The following ROR2 variants were observed in gnomAD, a reference collection of about 807,000 sequenced individuals.
ROR2 encodes the protein ROR family WNT receptor 2.
Under a neutral mutation model 74.9 loss-of-function variants are expected in ROR2, and 33 were observed. The ratio of observed to expected loss-of-function variants is 0.44; its 90% confidence interval spans 0.33 to 0.59. The LOEUF is 0.59. ROR2 is among the 20% of genes least tolerant of loss of function. The probability of loss-of-function intolerance (pLI) is 0.02; values close to 1 mark genes in which losing one functional copy is unlikely to be tolerated. For synonymous variants in ROR2, 586 were observed against 558.7 expected, an observed-to-expected ratio of 1.05 and a Z score of -0.69; for missense variants, 1,216 against 1,313.8, an observed-to-expected ratio of 0.93 and a Z score of 1.15.
intron 1 of ROR2, among the ~76,000 whole-genome samples, chr9:91,812,175 C>T (rs978201635): frequency 6.6e-6 from 1 of 152,152 alleles, no homozygotes; most frequent in Non-Finnish European, 1.5e-5. Context: ...AACTTGGTCT[C>T]GGTGTTCCAT....
In ROR2 at chr9:91,792,346, C is replaced by T. The variant is rs925203231; in HGVS notation, c.98-16528G>A. 1.2e-4 allele frequency among the ~76,000 whole-genome samples: 17 copies of T among 139,078 alleles called. No individual in the cohort carries two copies. The East Asian group carries it at 1.4e-3, about 12-fold the overall frequency. 91.2% of individuals were successfully genotyped at this position (139,078 alleles called of 152,430 possible). ...TTTTTGAGACGGAGTCTCGCTCTGT[C>T]GCCCAGGTTGGAGTGCAGTAGTGCA... On this transcript the variant is annotated intron_variant, in intron 1 of 8. Transcript: ENST00000375708.
intron 1 of ROR2, among the ~76,000 whole-genome samples, chr9:91,945,539 T>C (rs1223182588): frequency 6.6e-6 from 1 of 152,194 alleles, no homozygotes; most frequent in Non-Finnish European, 1.5e-5. Flanking sequence ...ACACACCACT[T>C]CCCACTAGAA....
At chr9:91,902,809 A>T (rs1169360069) in intron 1 of ROR2, among the ~76,000 whole-genome samples, 1 of 152,276 alleles carries the variant, frequency 6.6e-6, no homozygotes, top group Non-Finnish European at 1.5e-5. Flanking sequence ...ACATGCTGCA[A>T]CATGGATAAG....
At chr9:91,755,155 T>TG (rs11365403) in intron 4 of ROR2, among the ~76,000 whole-genome samples, 14 of 148,760 alleles carry the variant, frequency 9.4e-5, no homozygotes, top group East Asian at 7.8e-4. Flanking sequence ...CCTGTCTATT[T>TG]GGGGGGGGAA....
intron 4 of ROR2, among the ~76,000 whole-genome samples, chr9:91,741,304 G>GTAATAATAATAA (rs149995684): frequency 1.0e-3 from 137 of 135,598 alleles, no homozygotes; most frequent in South Asian, 2.4e-3. Flanking sequence ...GTCTCAAGTA[G>GTAATAATAATAA]TAATAATAAT....
intron 4 of ROR2, among the ~76,000 whole-genome samples, chr9:91,743,677 G>T (rs1422804142): frequency 6.6e-6 from 1 of 152,118 alleles, no homozygotes; most frequent in Non-Finnish European, 1.5e-5. Context: ...ATCAAAAGGG[G>T]CAACGTCCTC....
At chr9:91,764,559 T>TACACACACACACACACACACACACACAC (rs11405599) in intron 2 of ROR2, among the ~76,000 whole-genome samples, 2 of 147,614 alleles carry the variant, frequency 1.4e-5, no homozygotes, top group Admixed American at 1.4e-4. Context: ...TATAATCACT[T>TACACACACACACACACACACACACACAC]ACACACACAC....
At chr9:91,827,459 T>G (rs1476450394) in intron 1 of ROR2, among the ~76,000 whole-genome samples, 1 of 152,210 alleles carries the variant, frequency 6.6e-6, no homozygotes, top group African/African-American at 2.4e-5. Context: ...GAAATCTACT[T>G]AAGTATTTTC....
intron 1 of ROR2, among the ~76,000 whole-genome samples, chr9:91,896,361 T>C (rs1457365983): frequency 6.6e-6 from 1 of 152,238 alleles, no homozygotes. Flanking sequence ...ATCCAGTTTA[T>C]CTTCAGAAAC....
intron 1 of ROR2, among the ~76,000 whole-genome samples, chr9:91,912,581 T>A (rs1385175307): frequency 6.6e-6 from 1 of 152,206 alleles, no homozygotes; most frequent in Non-Finnish European, 1.5e-5. Context: ...TCTGCCAGGA[T>A]GTGCTTTCTT....
chr9:91,801,174 A>G (rs1827364627), intron 1 of ROR2, among the ~76,000 whole-genome samples: 1 of 152,152 alleles, frequency 6.6e-6, no homozygotes, highest in South Asian at 2.1e-4. Context: ...TAACCACCCT[A>G]GCCCAAACCC....
At chr9:91,946,763 A>G (rs35293919) in intron 1 of ROR2, among the ~76,000 whole-genome samples, 3,176 of 42,828 alleles carry the variant, frequency 0.074, 40 homozygotes, top group Middle Eastern at 0.16. Context: ...CATTTCACTA[A>G]TAACTTTTCC....
intron 1 of ROR2, among the ~76,000 whole-genome samples, chr9:91,794,011 G>T (rs1276430156): frequency 6.6e-6 from 1 of 152,222 alleles, no homozygotes; most frequent in Non-Finnish European, 1.5e-5. Flanking sequence ...CCTATGCACA[G>T]TTCCACAGCC....
At chr9:91,726,828 G>A in intron 7 of ROR2, 85 bp from the exon 8 acceptor site, 2 of 1,322,534 alleles carry the variant, frequency 1.5e-6, no homozygotes, top group Non-Finnish European at 2.2e-6. Flanking sequence ...TCCACCTCCA[G>A]CCAAAATCTT....
chr9:91,881,192 G>C (rs1415874956), intron 1 of ROR2, among the ~76,000 whole-genome samples: 1 of 152,168 alleles, frequency 6.6e-6, no homozygotes, highest in Non-Finnish European at 1.5e-5. Flanking sequence ...AACGAGTGGA[G>C]TGTTTGATCT....
chr9:91,911,132 C>T (rs963559193), intron 1 of ROR2, among the ~76,000 whole-genome samples: 1 of 152,208 alleles, frequency 6.6e-6, no homozygotes, highest in African/African-American at 2.4e-5. Flanking sequence ...TGCACACTAC[C>T]CCACCACCTG....
rs71362359 is a variant in ROR2 at position 91,739,513 on chromosome 9, T to TAAAA, written c.495-1999_495-1996dup. Among the ~76,000 whole-genome samples, 46 of 105,572 alleles carry TAAAA rather than the reference T, an allele frequency of 4.4e-4. 2 individuals carry two copies. In the East Asian group the frequency reaches 5.3e-3, roughly 12 times the overall value. 69.3% of individuals were successfully genotyped at this position (105,572 alleles called of 152,430 possible). On this transcript the variant is annotated intron_variant, in intron 4 of 8. Coordinates refer to ENST00000375708, the MANE Select transcript of ROR2 (RefSeq NM_004560.4). ...AAGAGCAAGACCCTGTCTTTAAATT[T>TAAAA]AAAAAAAAAAAAAAAAAAAAAAAAG...
At chr9:91,893,791 C>T (rs1435931838) in intron 1 of ROR2, among the ~76,000 whole-genome samples, 1 of 152,142 alleles carries the variant, frequency 6.6e-6, no homozygotes, top group Non-Finnish European at 1.5e-5. Context: ...CCATCCTCTC[C>T]CCTGCCACAC....
intron 1 of ROR2, among the ~76,000 whole-genome samples, chr9:91,941,778 T>TTTCTC (rs557453808): frequency 7.1e-4 from 68 of 95,422 alleles, no homozygotes; most frequent in African/African-American, 1.7e-3. Context: ...CCTGCCCTCC[T>TTTCTC]TTCTCTTCTC....
Sources: gnomAD v4.1 joint callset for allele counts (sites outside exome capture counted in the v4.1 genomes callset) on GRCh38, gnomAD v4.1.1 for gene constraint, MANE v1.5 for transcripts, NCBI Gene and HGNC (gene_info 2026-07-23, HGNC 2026-07-21) for gene names.